The following BCR variants were observed in gnomAD, a reference collection of about 807,000 sequenced individuals.
BCR encodes the protein breakpoint cluster region protein.
BCR carries 58 observed loss-of-function variants against 138.6 expected under a neutral mutation model. The observed-to-expected ratio is 0.42, with a 90% confidence interval of 0.34 to 0.52. BCR has a LOEUF of 0.52. BCR is among the 20% of genes least tolerant of loss of function. BCR has a pLI of 0.06. For synonymous variants in BCR, 786 were observed against 730.1 expected, an observed-to-expected ratio of 1.08 and a Z score of -1.23; for missense variants, 1,599 against 1,727.2, an observed-to-expected ratio of 0.93 and a Z score of 1.32.
chr22:23,243,732 T>C (rs1344719139), intron 1 of BCR, among the ~76,000 whole-genome samples: 2 of 149,276 alleles, frequency 1.3e-5, no homozygotes, highest in African/African-American at 4.9e-5. Context: ...CACTGCAACC[T>C]CCCGGGTTCA....
chr22:23,292,311 C>T (rs897129369), intron 14 of BCR, among the ~76,000 whole-genome samples: 3 of 152,320 alleles, frequency 2.0e-5, no homozygotes, highest in Admixed American at 6.5e-5. Flanking sequence ...TGGGAAGTCC[C>T]GTTTCCCAGC....
chr22:23,185,729 TG>T (rs768025090), intron 1 of BCR, among the ~76,000 whole-genome samples: 88 of 148,652 alleles, frequency 5.9e-4, no homozygotes, highest in Middle Eastern at 3.4e-3. Context: ...CTGTTTTTTT[TG>T]TTGTTGTTGT....
At chr22:23,305,150 G>T (rs1208443757) in intron 16 of BCR, among the ~76,000 whole-genome samples, 1 of 151,342 alleles carries the variant, frequency 6.6e-6, no homozygotes, top group Non-Finnish European at 1.5e-5. Context: ...TGGATCTCAG[G>T]AGAGCAGATT....
chr22:23,226,115 C>T (rs1220944100), intron 1 of BCR, among the ~76,000 whole-genome samples: 1 of 152,154 alleles, frequency 6.6e-6, no homozygotes, highest in Non-Finnish European at 1.5e-5. Context: ...ATGGTGCAAA[C>T]CTTCTTGCAC....
chr22:23,290,884 G>A (rs944720984), intron 14 of BCR: 1 of 200,352 alleles, frequency 5.0e-6, no homozygotes, highest in South Asian at 9.9e-5. Context: ...TCAGAACAGT[G>A]AAGGCTGGTA....
chr22:23,314,444 C>G (rs1049715206), intron 21 of BCR, 108 bp from the exon 22 acceptor site: 1 of 1,295,892 alleles, frequency 7.7e-7, no homozygotes, highest in African/African-American at 1.5e-5. Context: ...TGCAGCACAG[C>G]CAGGGTCGAG....
chr22:23,185,784 A>AGTG (rs2072334763), intron 1 of BCR, among the ~76,000 whole-genome samples: 1 of 149,040 alleles, frequency 6.7e-6, no homozygotes, highest in Non-Finnish European at 1.5e-5. Context: ...GCTGGAGTGC[A>AGTG]GCCCAGCGAT....
chr22:23,211,609 C>T (rs2072683815), intron 1 of BCR, among the ~76,000 whole-genome samples: 1 of 152,148 alleles, frequency 6.6e-6, no homozygotes, highest in Admixed American at 6.5e-5. Context: ...CTCAGCCTCC[C>T]GAGCAGCTGG....
At chr22:23,276,288 A>T (rs1221457446) in intron 8 of BCR, among the ~76,000 whole-genome samples, 1 of 151,962 alleles carries the variant, frequency 6.6e-6, no homozygotes, top group Non-Finnish European at 1.5e-5. Context: ...AGTCCCAGCT[A>T]CTCAGGAGGC....
chr22:23,195,919 C>T (rs946358547), intron 1 of BCR, among the ~76,000 whole-genome samples: 1 of 152,004 alleles, frequency 6.6e-6, no homozygotes, highest in Non-Finnish European at 1.5e-5. Context: ...TAAATAAATA[C>T]CACTGCTTTT....
chr22:23,230,179 G>A (rs2072940557), intron 1 of BCR, among the ~76,000 whole-genome samples: 1 of 151,928 alleles, frequency 6.6e-6, no homozygotes, highest in East Asian at 1.9e-4. Context: ...TTAAAGTCCT[G>A]CAATCTCTGC....
intron 1 of BCR, among the ~76,000 whole-genome samples, chr22:23,193,202 G>A (rs1294168596): frequency 6.6e-6 from 1 of 152,252 alleles, no homozygotes; most frequent in Non-Finnish European, 1.5e-5. Flanking sequence ...CACATGACGA[G>A]GTATTGATGA....
chr22:23,189,397 G>A (rs987186648), intron 1 of BCR, among the ~76,000 whole-genome samples: 11 of 152,100 alleles, frequency 7.2e-5, no homozygotes, highest in African/African-American at 2.7e-4. Flanking sequence ...TAGATGCCTC[G>A]TGTAAGTGGA....
intron 1 of BCR, among the ~76,000 whole-genome samples, chr22:23,202,857 TG>T (rs2072572168): frequency 8.7e-6 from 1 of 115,042 alleles, no homozygotes; most frequent in Admixed American, 9.8e-5. Context: ...AATTTTTTTG[TG>T]GGGTTTTTTT....
At chr22:23,187,200 C>G (rs1268707038) in intron 1 of BCR, among the ~76,000 whole-genome samples, 1 of 151,760 alleles carries the variant, frequency 6.6e-6, no homozygotes, top group Non-Finnish European at 1.5e-5. Context: ...AGTGACTTAT[C>G]AATTACTCGG....
chr22:23,260,887 G>C (rs774846395), intron 2 of BCR, 63 bp from the exon 3 acceptor site: 3 of 1,470,076 alleles, frequency 2.0e-6, no homozygotes, highest in Non-Finnish European at 2.9e-6. Context: ...TCTCTCAGAG[G>C]GCCCTGATGG....
At chr22:23,209,910 A>G (rs1025232034) in intron 1 of BCR, among the ~76,000 whole-genome samples, 8 of 152,186 alleles carry the variant, frequency 5.3e-5, no homozygotes, top group African/African-American at 1.7e-4. Flanking sequence ...GATTACAGAC[A>G]TGCACCACTG....
chr22:23,295,318 A>G (rs149711507), intron 16 of BCR, among the ~76,000 whole-genome samples, 163 bp downstream of exon 16: 9 of 152,212 alleles, frequency 5.9e-5, no homozygotes, highest in African/African-American at 1.9e-4. Context: ...CGGTGCCTGC[A>G]TGTATCTTGA....
intron 12 of BCR, 42 bp downstream of exon 12, chr22:23,288,214 T>C: frequency 6.3e-7 from 1 of 1,578,414 alleles, no homozygotes. Flanking sequence ...CTTCAAACCA[T>C]TAGGGCCAGG....
Sources: gnomAD v4.1 joint callset for allele counts (sites outside exome capture counted in the v4.1 genomes callset) on GRCh38, gnomAD v4.1.1 for gene constraint, MANE v1.5 for transcripts, NCBI Gene and HGNC (gene_info 2026-07-23, HGNC 2026-07-21) for gene names.